The following C12orf54 variants were observed in gnomAD, a reference collection of about 807,000 sequenced individuals.
C12orf54 encodes uncharacterized protein C12orf54.
In C12orf54, 24 loss-of-function variants were observed where a neutral mutation model predicts 26.4. The ratio of observed to expected loss-of-function variants is 0.91; its 90% CI spans 0.66 to 1.28. The LOEUF is 1.28. Ranked by LOEUF, C12orf54 falls within the 50% of genes most tolerant of loss-of-function variation. The pLI is 0.00. For missense variants in C12orf54, 154 were observed against 150.9 expected, an observed-to-expected ratio of 1.02 and a Z score of -0.11; for synonymous variants, 54 against 47.0, an observed-to-expected ratio of 1.15 and a Z score of -0.61.
the C12orf54 span, chr12:48,473,112 C>T: frequency 3.1e-6 from 5 of 1,612,674 alleles, no homozygotes; most frequent in East Asian, 1.1e-4. Flanking sequence ...CGGCTGTGAC[C>T]CGGATGACAA....
At chr12:48,437,620 T>G in the C12orf54 span, among the ~76,000 whole-genome samples, 38 of 152,144 alleles carry the variant, frequency 2.5e-4, no homozygotes, top group Non-Finnish European at 4.6e-4. Flanking sequence ...GTAAACGTAA[T>G]CCAGCATATA....
In C12orf54 at chr12:48,486,089, C is replaced by T. The variant is rs906354889; in HGVS notation, c.66-89C>T. ...TTTTAGTATAGAAACTTCAAGAATT[C>T]CTGCTAGGAGTGATAGAATAGAGTT... On this transcript the variant is annotated intron_variant, in intron 2 of 8. Transcript: ENST00000548364. 23 of 1,280,510 alleles carry T rather than the reference C, an allele frequency of 1.8e-5. No homozygotes were observed. In the Admixed American group the frequency reaches 2.2e-4, roughly 13 times the overall value. 79.3% of individuals were successfully genotyped at this position (1,280,510 alleles called of 1,614,324 possible).
chr12:48,484,595 A>G (rs1230128737), intron 2 of C12orf54, among the ~76,000 whole-genome samples: 1 of 152,146 alleles, frequency 6.6e-6, no homozygotes, highest in Admixed American at 6.5e-5. Flanking sequence ...CATCCCCCAA[A>G]TCCTTGAGAG....
the C12orf54 span, among the ~76,000 whole-genome samples, chr12:48,467,326 A>G: frequency 6.6e-6 from 1 of 152,178 alleles, no homozygotes; most frequent in Non-Finnish European, 1.5e-5. Context: ...CGACACCTTG[A>G]TTTCAGACTT....
the C12orf54 span, among the ~76,000 whole-genome samples, chr12:48,431,676 C>T: frequency 6.6e-6 from 1 of 152,128 alleles, no homozygotes; most frequent in African/African-American, 2.4e-5. Context: ...AGAAAGTGAT[C>T]ATCTCTTCTT....
the C12orf54 span, among the ~76,000 whole-genome samples, chr12:48,476,007 T>A: frequency 6.6e-6 from 1 of 151,816 alleles, no homozygotes; most frequent in East Asian, 1.9e-4. Flanking sequence ...AAAGGTTGGG[T>A]TACCCACAAA....
chr12:48,462,457 T>A, the C12orf54 span, among the ~76,000 whole-genome samples: 1 of 151,560 alleles, frequency 6.6e-6, no homozygotes, highest in Non-Finnish European at 1.5e-5. Context: ...CAGAGAGCAA[T>A]ATCATTCATA....
At chr12:48,442,021 A>G in the C12orf54 span, 1 of 152,258 alleles carries the variant, frequency 6.6e-6, no homozygotes, top group Non-Finnish European at 1.5e-5. Context: ...TCATAAGTCT[A>G]TTGAAACACT....
chr12:48,451,418 T>A, the C12orf54 span, among the ~76,000 whole-genome samples: 1 of 152,094 alleles, frequency 6.6e-6, no homozygotes, highest in Non-Finnish European at 1.5e-5. Context: ...CATTCTCCCC[T>A]TGAAAACCAG....
At chr12:48,478,299 C>T (rs574865109), upstream of C12orf54, among the ~76,000 whole-genome samples, 81 of 152,178 alleles carry the variant, frequency 5.3e-4, no homozygotes, top group African/African-American at 1.5e-3. Flanking sequence ...TCATACTGAA[C>T]GGGCAAAAAC....
At chr12:48,424,324 G>T in the C12orf54 span, among the ~76,000 whole-genome samples, 1 of 151,986 alleles carries the variant, frequency 6.6e-6, no homozygotes, top group African/African-American at 2.4e-5. Flanking sequence ...GTATGTTTTT[G>T]TCTGGTTTGG....
chr12:48,434,717 A>G, the C12orf54 span, among the ~76,000 whole-genome samples: 1 of 152,226 alleles, frequency 6.6e-6, no homozygotes, highest in Non-Finnish European at 1.5e-5. Flanking sequence ...TGTTAGAAGG[A>G]AAACTAACAA....
At chr12:48,433,459 G>T in the C12orf54 span, among the ~76,000 whole-genome samples, 1,584 of 130,130 alleles carry the variant, frequency 0.012, 34 homozygotes, top group East Asian at 0.031. Context: ...TTTTTTTGGG[G>T]GGGGGGGGGG....
chr12:48,417,917 T>C, the C12orf54 span, among the ~76,000 whole-genome samples: 1 of 152,364 alleles, frequency 6.6e-6, no homozygotes, highest in African/African-American at 2.4e-5. Context: ...CATGATCTCA[T>C]TATTTTTTAT....
chr12:48,438,361 T>A, the C12orf54 span, among the ~76,000 whole-genome samples: 1 of 152,174 alleles, frequency 6.6e-6, no homozygotes, highest in African/African-American at 2.4e-5. Flanking sequence ...GCCATCCCCA[T>A]CAAGCTACCA....
intron 4 of C12orf54, chr12:48,487,951 G>A (rs899416360): frequency 3.1e-5 from 22 of 698,718 alleles, no homozygotes; most frequent in Non-Finnish European, 5.2e-5. Context: ...CTGAGATGTT[G>A]ATACCTAAGA....
the C12orf54 span, among the ~76,000 whole-genome samples, chr12:48,419,279 A>C: frequency 6.6e-6 from 1 of 152,192 alleles, no homozygotes; most frequent in East Asian, 1.9e-4. Flanking sequence ...TTAGGTCATA[A>C]AGCCCTAGTT....
chr12:48,455,889 C>A, the C12orf54 span, among the ~76,000 whole-genome samples: 1 of 152,146 alleles, frequency 6.6e-6, no homozygotes, highest in Admixed American at 6.6e-5. Context: ...AGAACACTAA[C>A]AATCATAGTA....
At chr12:48,434,049 G>A in the C12orf54 span, among the ~76,000 whole-genome samples, 8 of 152,104 alleles carry the variant, frequency 5.3e-5, no homozygotes, top group Admixed American at 2.0e-4. Context: ...CTGGAAAATC[G>A]GGTCACTCCC....
Sources: allele counts gnomAD v4.1 joint callset (sites outside exome capture counted in the v4.1 genomes callset), GRCh38; gene constraint gnomAD v4.1.1; transcripts MANE v1.5; gene names NCBI Gene and HGNC (gene_info 2026-07-23, HGNC 2026-07-21).